Variants in C3orf70 observed in about 807,000 individuals in gnomAD.
The protein encoded by C3orf70 is UPF0524 protein C3orf70.
Under a neutral mutation model 20.7 loss-of-function variants are expected in C3orf70, and 15 were observed. That is an observed-to-expected ratio of 0.72 (90% CI 0.48 to 1.11). C3orf70 has a LOEUF of 1.11. Among genes scored for constraint, C3orf70 ranks in the 50% most tolerant of loss-of-function variants. The probability of loss-of-function intolerance (pLI) is 0.00; values close to 1 mark genes in which losing one functional copy is unlikely to be tolerated. For synonymous variants in C3orf70, 161 were observed against 125.7 expected (o/e 1.28, Z -1.88); for missense variants, 332 against 317.6 (o/e 1.05, Z -0.34).
chr3:185,151,269 C>T (rs1049918333), intron 1 of C3orf70, among the ~76,000 whole-genome samples: 1 of 152,180 alleles, frequency 6.6e-6, no homozygotes, highest in African/African-American at 2.4e-5. Flanking sequence ...ATAAGACAGA[C>T]AGTAACCTGG....
At chr3:185,093,264 C>A (rs764250930) in intron 1 of C3orf70, among the ~76,000 whole-genome samples, 7 of 152,214 alleles carry the variant, frequency 4.6e-5, no homozygotes, top group Non-Finnish European at 1.0e-4. Flanking sequence ...CCAGGCCACA[C>A]TCTGACACCC....
chr3:185,135,647 T>C (rs559056365), intron 1 of C3orf70, among the ~76,000 whole-genome samples: 13 of 152,310 alleles, frequency 8.5e-5, no homozygotes, highest in African/African-American at 3.1e-4. Context: ...ACGGAGAACT[T>C]GAAATGCTCC....
At chr3:185,116,040 G>A (rs1716167591) in intron 1 of C3orf70, among the ~76,000 whole-genome samples, 1 of 152,220 alleles carries the variant, frequency 6.6e-6, no homozygotes, top group Non-Finnish European at 1.5e-5. Context: ...AACGGAGCTT[G>A]TCCCAGTCCA....
At chr3:185,114,228 T>C (rs1402014396) in intron 1 of C3orf70, among the ~76,000 whole-genome samples, 2 of 148,988 alleles carry the variant, frequency 1.3e-5, no homozygotes, top group Non-Finnish European at 3.0e-5. Flanking sequence ...AATAACCAAA[T>C]GAACACAAAA....
At chr3:185,104,902 C>A (rs1450061901) in intron 1 of C3orf70, among the ~76,000 whole-genome samples, 2 of 152,104 alleles carry the variant, frequency 1.3e-5, no homozygotes, top group Admixed American at 1.3e-4. Context: ...ATAATTGGTA[C>A]AACGAACTCC....
At chr3:185,135,989 G>T (rs1330088178) in intron 1 of C3orf70, among the ~76,000 whole-genome samples, 3 of 151,934 alleles carry the variant, frequency 2.0e-5, no homozygotes, top group Non-Finnish European at 4.4e-5. Context: ...AAACATAAAT[G>T]GTCTAAAAAC....
chr3:185,082,882 A>T lies in C3orf70; in HGVS notation c.*125T>A, dbSNP rs1715373842. 9 of 850,284 alleles carry T rather than the reference A, an allele frequency of 1.1e-5. No individual in the cohort carries two copies. The highest frequency in any genetic ancestry group is 1.3e-5 in the Non-Finnish European group (7 of 533,314). 52.7% of individuals were successfully genotyped at this position (850,284 alleles called of 1,614,324 possible). A position where few individuals can be genotyped will look rare whatever the true frequency, so the allele number is the denominator to read the frequency against. Reference sequence around the variant, plus strand: ...CTAATCAGCATACCACTGAACTGCTACGGTTGTTGGTTGGAGCGGGGCGGG... The same window carrying T: ...CTAATCAGCATACCACTGAACTGCTTCGGTTGTTGGTTGGAGCGGGGCGGG... On this transcript the variant is annotated 3_prime_UTR_variant, in exon 2 of 2. Coordinates refer to ENST00000335012, the MANE Select transcript of C3orf70 (RefSeq NM_001025266.3).
chr3:185,141,546 T>C (rs561583755), intron 1 of C3orf70, among the ~76,000 whole-genome samples: 4 of 152,278 alleles, frequency 2.6e-5, no homozygotes, highest in Non-Finnish European at 4.4e-5. Context: ...CTGTGGTACA[T>C]GTATACCATG....
At chr3:185,142,350 T>TG (rs1333768600) in intron 1 of C3orf70, among the ~76,000 whole-genome samples, 3 of 152,108 alleles carry the variant, frequency 2.0e-5, no homozygotes, top group African/African-American at 7.2e-5. Context: ...CCCAGCCACT[T>TG]GGAGGCTGAG....
rs1326730299 is a variant in C3orf70, at chr3:185,083,023, A to T, written c.737T>A (p.Ile246Lys). The T allele has an allele frequency of 6.2e-7, 1 of 1,613,174 alleles. No individual in the cohort carries two copies. The highest frequency in any genetic ancestry group is 1.3e-5 in the African/African-American group (1 of 74,872). The change falls in exon 2 of 2, where the codon ATA becomes AAA. Residue 246 changes from isoleucine (I) to lysine (K), a missense_variant. Coordinates refer to ENST00000335012, the MANE Select transcript of C3orf70 (RefSeq NM_001025266.3). ...TCTGGACTCTCACACAGTCGTTTCT[A>T]TCGTTTCAATCACTTCCAGGTCAGA... is the stretch of plus-strand genomic sequence containing the variant. ...SQSDLEVIET[I>K]ETTV
intron 1 of C3orf70, among the ~76,000 whole-genome samples, chr3:185,122,304 T>C (rs554251420): frequency 1.8e-4 from 28 of 152,202 alleles, no homozygotes; most frequent in East Asian, 9.6e-4. Flanking sequence ...AACCTAACAA[T>C]AGAGTCTCAG....
At chr3:185,105,410 T>C (rs566432971) in intron 1 of C3orf70, among the ~76,000 whole-genome samples, 368 of 152,394 alleles carry the variant, frequency 2.4e-3, no homozygotes, top group Middle Eastern at 6.8e-3. Context: ...AACAATAGCA[T>C]GAGCGATCTG....
intron 1 of C3orf70, among the ~76,000 whole-genome samples, chr3:185,132,015 T>G (rs1716531822): frequency 6.6e-6 from 1 of 152,206 alleles, no homozygotes. Flanking sequence ...CTTCCACAGA[T>G]TCCAGCCAAA....
At chr3:185,114,089 C>G (rs923782585) in intron 1 of C3orf70, among the ~76,000 whole-genome samples, 1 of 152,098 alleles carries the variant, frequency 6.6e-6, no homozygotes, top group African/African-American at 2.4e-5. Context: ...ATCCCAGTTA[C>G]TTGGGAGGCT....
rs571883065 is a variant in C3orf70, at chr3:185,083,931, G to A, written c.197-368C>T. Among the ~76,000 whole-genome samples, 8 of 152,264 alleles carry A rather than the reference G, an allele frequency of 5.3e-5. No individual in the cohort carries two copies. The East Asian group carries it at 1.2e-3, about 22-fold the overall frequency. On this transcript the variant is annotated intron_variant, in intron 1 of 1. Transcript: ENST00000335012. The stretch of plus-strand genomic sequence containing the variant: ...GGTAAAAAATACAAGTTGTACAGCC[G>A]GGCGCAGTGGTTCACGCCTGTAATG...
At chr3:185,128,104 T>C (rs1716450773) in intron 1 of C3orf70, among the ~76,000 whole-genome samples, 1 of 152,214 alleles carries the variant, frequency 6.6e-6, no homozygotes, top group Non-Finnish European at 1.5e-5. Context: ...ATAATGCTGA[T>C]TTTTAGACAG....
rs1191168439 is a variant in C3orf70, at chr3:185,077,343, T to A, written c.*5664A>T. On this transcript the variant is annotated 3_prime_UTR_variant, in exon 2 of 2. Transcript: ENST00000335012. ...AAAGTGACCGGGTTCAAACCCTGAC[T>A]GCCACTCATGTACGAGCTGTGCCAC... Among the ~76,000 whole-genome samples the A allele has an allele frequency of 6.6e-6, 1 of 152,160 alleles. No homozygotes were observed. Among genetic ancestry groups the A allele is most frequent in the Admixed American group, 6.5e-5 (1 of 15,278 alleles).
Position 185,083,265 on chromosome 3 carries a change from G to A in C3orf70, c.495C>T (p.His165=), listed in dbSNP as rs769128522. The change falls in exon 2 of 2, where the codon CAC becomes CAT. Residue 165 remains histidine, a synonymous_variant. Coordinates refer to ENST00000335012, the MANE Select transcript of C3orf70 (RefSeq NM_001025266.3). The part of the protein sequence containing the change: ...HRMSPEEVSA[H]DALISKESNT... Reference sequence around the variant, plus strand: ...TGCTCTCTTTTGAAATTAAGGCATCGTGTGCAGAGACCTCCTCAGGGCTCA... The same window carrying A: ...TGCTCTCTTTTGAAATTAAGGCATCATGTGCAGAGACCTCCTCAGGGCTCA... 42 of 1,614,036 alleles carry A rather than the reference G, an allele frequency of 2.6e-5. No homozygotes were observed. The highest frequency in any genetic ancestry group is 3.1e-5 in the Non-Finnish European group (37 of 1,180,040).
chr3:185,134,125 A>ATATATATATATATATATATT (rs71298570), intron 1 of C3orf70, among the ~76,000 whole-genome samples: 15 of 145,938 alleles, frequency 1.0e-4, no homozygotes, highest in African/African-American at 3.8e-4. Context: ...TCATATATAT[A>ATATATATATATATATATATT]TAGAGGAGAT....
Sources: gnomAD v4.1 joint callset for allele counts (sites outside exome capture counted in the v4.1 genomes callset) on GRCh38, gnomAD v4.1.1 for gene constraint, MANE v1.5 for transcripts, NCBI Gene and HGNC (gene_info 2026-07-23, HGNC 2026-07-21) for gene names.